The following ALDH3B1 variants were observed in gnomAD, a reference collection of about 807,000 sequenced individuals.
The protein encoded by ALDH3B1 is aldehyde dehydrogenase family 3 member B1.
In ALDH3B1, 37 loss-of-function variants were observed where a neutral mutation model predicts 46.2. The observed-to-expected ratio is 0.80, with a 90% CI of 0.62 to 1.05. ALDH3B1 has a LOEUF of 1.05. Ranked by LOEUF, ALDH3B1 falls within the 50% of genes least tolerant of loss-of-function variation. The pLI is 0.00. For missense variants in ALDH3B1, 603 were observed against 665.5 expected (o/e 0.91, Z 1.03); for synonymous variants, 283 against 281.0 (o/e 1.01, Z -0.07).
intron 2 of ALDH3B1, chr11:68,017,087 G>A (rs1263078082): frequency 6.6e-6 from 1 of 152,364 alleles, no homozygotes; most frequent in East Asian, 1.9e-4. Flanking sequence ...CCCCAGAAGA[G>A]GCTCAGAGAG....
Position 68,026,005 on chromosome 11 carries a change from C to G in ALDH3B1, c.1117-4C>G. On this transcript the variant is annotated splice_region_variant and splice_polypyrimidine_tract_variant and intron_variant, in intron 8 of 9. Coordinates refer to ENST00000342456, the MANE Select transcript of ALDH3B1 (RefSeq NM_000694.4). ...AGCCTCACGCACATCCTGTTCTCTCCCAGGTGGTCAAGCGGGTGCTGACCC... is the reference window on the plus strand; with the variant it reads ...AGCCTCACGCACATCCTGTTCTCTCGCAGGTGGTCAAGCGGGTGCTGACCC... 1 of 1,591,160 alleles carries G rather than the reference C, an allele frequency of 6.3e-7. No individual in the cohort carries two copies. Among genetic ancestry groups the G allele is most frequent in the Non-Finnish European group, 8.6e-7 (1 of 1,168,762 alleles).
chr11:68,009,151 G>A (rs993587394), upstream of ALDH3B1, among the ~76,000 whole-genome samples: 29 of 152,162 alleles, frequency 1.9e-4, no homozygotes, highest in Admixed American at 1.7e-3. Flanking sequence ...CCACACACAC[G>A]CCCCATGTTC....
intron 7 of ALDH3B1, among the ~76,000 whole-genome samples, chr11:68,022,344 T>C (rs1451759628): frequency 6.6e-6 from 1 of 152,216 alleles, no homozygotes; most frequent in African/African-American, 2.4e-5. Flanking sequence ...CACCCCTGAC[T>C]GTGAGACCAA....
chr11:68,021,922 A>G, intron 7 of ALDH3B1, 51 bp downstream of exon 7: 1 of 1,540,264 alleles, frequency 6.5e-7, no homozygotes, highest in Non-Finnish European at 8.7e-7. Context: ...ACCCCTCCTC[A>G]CTGGAGGGCC....
At chr11:68,027,421 C>A (rs1437429010) in intron 9 of ALDH3B1, among the ~76,000 whole-genome samples, 3 of 152,196 alleles carry the variant, frequency 2.0e-5, no homozygotes, top group Admixed American at 2.0e-4. Flanking sequence ...ACCCTTGTCA[C>A]CCCACGACAG....
In ALDH3B1 at chr11:68,015,334, G is replaced by T; in HGVS notation, c.37G>T (p.Glu13Ter). ...TGGGGACACGCTGCGGCGACTGCGGGAGGCCTTCCACGCGGGGCGCACGCG... is the reference window on the plus strand; with the variant it reads ...TGGGGACACGCTGCGGCGACTGCGGTAGGCCTTCCACGCGGGGCGCACGCG... ...PLGDTLRRLREAFHAGRTRPA... is the reference protein window; with the variant it reads ...PLGDTLRRLR Residue 13 changes from glutamate to a stop codon, truncating the protein, a stop_gained, in exon 2 of 10, where the codon GAG becomes TAG. Coordinates refer to ENST00000342456, the MANE Select transcript of ALDH3B1 (RefSeq NM_000694.4). LOFTEE classifies it high-confidence loss of function. 6.5e-7 allele frequency: 1 copy of T among 1,528,316 alleles called. No individual in the cohort carries two copies. The highest frequency in any genetic ancestry group is 1.2e-5 in the South Asian group (1 of 81,104). The allele number at this position is 1,528,316 out of a possible 1,614,324, so 94.7% of individuals were successfully genotyped here. A position where few individuals can be genotyped will look rare whatever the true frequency, so the allele number is the denominator to read the frequency against.
chr11:68,012,281 T>C (rs1282452011), intron 1 of ALDH3B1, among the ~76,000 whole-genome samples: 1 of 152,172 alleles, frequency 6.6e-6, no homozygotes, highest in Non-Finnish European at 1.5e-5. Flanking sequence ...TCCCGGAGCC[T>C]GTGGGCACCC....
chr11:68,020,795 T>G (rs1408504990), intron 6 of ALDH3B1, among the ~76,000 whole-genome samples: 2 of 152,068 alleles, frequency 1.3e-5, no homozygotes, highest in Non-Finnish European at 2.9e-5. Context: ...GGGGGAGAAA[T>G]GCCAGGGCCA....
At position 68,018,886 on chromosome 11, in the gene ALDH3B1, C is replaced by T. The variant is rs146689178; in HGVS notation, c.387C>T (p.Leu129=). 2.5e-3 allele frequency: 3,896 copies of T among 1,555,332 alleles called. 8 individuals are homozygous for T. Among genetic ancestry groups the T allele is most frequent in the South Asian group, 5.2e-3 (438 of 84,224 alleles). Residue 129 remains leucine (L), a synonymous_variant, in exon 4 of 10, where the codon CTC becomes CTT. Coordinates refer to ENST00000342456, the MANE Select transcript of ALDH3B1 (RefSeq NM_000694.4). ...NLTLVPLVGA[L]AAGNCVVLKP... is the part of the protein sequence containing the mutation. The stretch of plus-strand genomic sequence containing the variant: ...CGCTGGTGCCCCTCGTGGGAGCCCT[C>T]GCTGCAGGTGAGAGCTGGGCCTGCC...
intron 5 of ALDH3B1, 98 bp downstream of exon 5, chr11:68,019,353 C>A: frequency 1.0e-6 from 1 of 999,448 alleles, no homozygotes; most frequent in Non-Finnish European, 1.5e-6. Flanking sequence ...ACCCGAGTCC[C>A]CACCTCAATC....
chr11:68,015,476 G>T lies in ALDH3B1; in HGVS notation c.162+17G>T. On this transcript the variant is annotated intron_variant, in intron 2 of 9. Coordinates refer to ENST00000342456, the MANE Select transcript of ALDH3B1 (RefSeq NM_000694.4). ...CTGCACAAGGTGGGCTGGGGTTGGG[G>T]GTATGAGAGGGTGCACTGGGGCAGG... 2 of 1,566,748 alleles carry T rather than the reference G, an allele frequency of 1.3e-6. No individual in the cohort carries two copies. Among genetic ancestry groups the T allele is most frequent in the South Asian group, 2.3e-5 (2 of 85,124 alleles).
intron 6 of ALDH3B1, among the ~76,000 whole-genome samples, chr11:68,020,888 G>C (rs1857475285): frequency 6.6e-6 from 1 of 152,196 alleles, no homozygotes; most frequent in Non-Finnish European, 1.5e-5. Context: ...GGCAGAGAAG[G>C]CTGTGTGCAT....
intron 6 of ALDH3B1, among the ~76,000 whole-genome samples, chr11:68,020,495 A>G (rs575835715): frequency 1.3e-5 from 2 of 152,266 alleles, no homozygotes; most frequent in South Asian, 2.1e-4. Flanking sequence ...TTGGTCTCCT[A>G]AAGTGCAGGG....
chr11:68,025,698 A>G (rs989434861), intron 8 of ALDH3B1, among the ~76,000 whole-genome samples: 1 of 151,802 alleles, frequency 6.6e-6, no homozygotes, highest in Admixed American at 6.6e-5. Context: ...TGCTGCCACT[A>G]CACCCTCCAT....
rs1387060628 is a variant in ALDH3B1 at position 68,018,887 on chromosome 11, G to A, written c.388G>A (p.Ala130Thr). Residue 130 changes from alanine (A) to threonine (T), a missense_variant, in exon 4 of 10, where the codon GCT becomes ACT. Ala to Thr is a moderately conservative substitution (Grantham distance 58). Transcript: ENST00000342456. ...LTLVPLVGAL[A>T]AGNCVVLKPS... ...GCTGGTGCCCCTCGTGGGAGCCCTC[G>A]CTGCAGGTGAGAGCTGGGCCTGCCC... The A allele has an allele frequency of 6.9e-5, 108 of 1,554,964 alleles. No individual in the cohort carries two copies. Among genetic ancestry groups the A allele is most frequent in the Non-Finnish European group, 9.1e-5 (105 of 1,149,430 alleles).
chr11:68,015,731 A>C (rs1284677747), intron 2 of ALDH3B1: 1 of 632,574 alleles, frequency 1.6e-6, no homozygotes, highest in Admixed American at 2.2e-5. Flanking sequence ...ATGCCTACGA[A>C]GATGACCTTC....
At chr11:68,019,283 C>G (rs143290196) in intron 5 of ALDH3B1, 28 bp downstream of exon 5, 3 of 1,598,628 alleles carry the variant, frequency 1.9e-6, no homozygotes, top group African/African-American at 1.3e-5. Context: ...GCAGGTAGAG[C>G]GGGAACAGGC....
At chr11:68,018,110 C>T in intron 2 of ALDH3B1, 1 of 165,618 alleles carries the variant, frequency 6.0e-6, no homozygotes, top group Non-Finnish European at 1.3e-5. Context: ...TCCAATGTGA[C>T]CGCCGCCTGG....
chr11:68,019,271 G>C lies in ALDH3B1; in HGVS notation c.480+16G>C, dbSNP rs577915067. 1.9e-6 allele frequency: 3 copies of C among 1,608,492 alleles called. No individual in the cohort carries two copies. Among genetic ancestry groups the C allele is most frequent in the Non-Finnish European group, 2.5e-6 (3 of 1,177,508 alleles). ...CGTGGACCAGGTGAGCAGGGCTGCCGGGCAGGTAGAGCGGGAACAGGCAAG... is the reference window on the plus strand; with the variant it reads ...CGTGGACCAGGTGAGCAGGGCTGCCCGGCAGGTAGAGCGGGAACAGGCAAG... On this transcript the variant is annotated intron_variant, in intron 5 of 9. Coordinates refer to ENST00000342456, the MANE Select transcript of ALDH3B1 (RefSeq NM_000694.4).
Sources: allele counts gnomAD v4.1 joint callset (sites outside exome capture counted in the v4.1 genomes callset), GRCh38; gene constraint gnomAD v4.1.1; transcripts MANE v1.5; gene names NCBI Gene and HGNC (gene_info 2026-07-23, HGNC 2026-07-21).